Variants in SPATA13 observed in about 807,000 individuals in gnomAD.
The protein encoded by SPATA13 is spermatogenesis associated 13.
SPATA13 carries 50 observed loss-of-function variants against 104.0 expected under a neutral mutation model. The observed-to-expected ratio is 0.48, with a 90% confidence interval of 0.38 to 0.61. The LOEUF is 0.61. Among genes scored for constraint, SPATA13 ranks in the 20% least tolerant of loss-of-function variants. The probability of loss-of-function intolerance (pLI) is 0.00; values close to 1 mark genes in which losing one functional copy is unlikely to be tolerated. For missense variants in SPATA13, 1,524 were observed against 1,690.6 expected (o/e 0.90, Z 1.73); for synonymous variants, 606 against 667.5 (o/e 0.91, Z 1.42).
chr13:24,044,233 CTTTTTTT>C (rs67709070), intron 3 of SPATA13, among the ~76,000 whole-genome samples: 1 of 123,012 alleles, frequency 8.1e-6, no homozygotes, highest in Non-Finnish European at 1.6e-5. Flanking sequence ...TTCTTTCTTT[CTTTTTTT>C]TTTTTTTTTT....
intron 1 of SPATA13, among the ~76,000 whole-genome samples, chr13:24,216,156 G>A (rs1018856302): frequency 6.6e-6 from 1 of 152,186 alleles, no homozygotes; most frequent in African/African-American, 2.4e-5. Context: ...GACGCAGGCA[G>A]GGAGGGGCAT....
At position 24,189,644 on chromosome 13, in the gene SPATA13, TATATATTATATATTATATATTTATA is replaced by T. The variant is rs1566140272; in HGVS notation, c.-112+28713_-112+28737del. On this transcript the variant is annotated intron_variant, in intron 1 of 12. Transcript: ENST00000382108. The stretch of plus-strand genomic sequence containing the variant: ...TATTATATAAATATATATATTTATA[TATATATTATATATTATATATTTATA>T]TATTATATATATTTATATATAATAT... 8.7e-4 allele frequency among the ~76,000 whole-genome samples: 15 copies of T among 17,222 alleles called. 6 individuals carry two copies. Among genetic ancestry groups the T allele is most frequent in the Non-Finnish European group, 4.2e-3 (15 of 3,588 alleles). 11.3% of individuals were successfully genotyped at this position (17,222 alleles called of 152,430 possible).
Position 24,286,932 on chromosome 13 carries a change from C to T in SPATA13, c.2649C>T (p.His883=), listed in dbSNP as rs896510438. 2 of 1,613,492 alleles carry T rather than the reference C, an allele frequency of 1.2e-6. No homozygotes were observed. Among genetic ancestry groups the T allele is most frequent in the African/African-American group, 2.7e-5 (2 of 74,878 alleles). ...IMDTERVYIK[H]LRDICEGYIR... Reference sequence around the variant, plus strand: ...ACACCGAGCGGGTGTACATCAAACACCTCAGGGACATCTGTGAGGTGGGAC... The same window carrying T: ...ACACCGAGCGGGTGTACATCAAACATCTCAGGGACATCTGTGAGGTGGGAC... Residue 883 remains histidine, a synonymous_variant, in exon 7 of 13, where the codon CAC becomes CAT. Transcript: ENST00000382108. This position sits in a 1 kb window ranked among gnomAD's most constrained non-coding sequence, Gnocchi z 4.9.
At chr13:24,290,530 T>C (rs1260444081) in intron 8 of SPATA13, 122 bp from the exon 9 acceptor site, 7 of 754,558 alleles carry the variant, frequency 9.3e-6, no homozygotes, top group Non-Finnish European at 1.6e-5. Flanking sequence ...CCTGTCCTTC[T>C]TGCAGTAGTC....
chr13:24,148,105 A>G (rs528254164), intron 3 of SPATA13, among the ~76,000 whole-genome samples: 1 of 152,326 alleles, frequency 6.6e-6, no homozygotes, highest in South Asian at 2.1e-4. Flanking sequence ...TCTTTTCCGC[A>G]TACACCCAGG....
chr13:24,223,512 C>T lies in SPATA13; in HGVS notation c.583C>T (p.Arg195Trp), dbSNP rs777085582. 7.0e-5 allele frequency: 109 copies of T among 1,548,246 alleles called. No individual in the cohort carries two copies. The highest frequency in any genetic ancestry group is 8.5e-5 in the Non-Finnish European group (98 of 1,147,004). The change falls in exon 2 of 13, where the codon CGG (arginine) becomes TGG (tryptophan). Residue 195 changes from arginine to tryptophan, a missense_variant. Around this residue, in one of 2 missense-constraint regions of SPATA13, gnomAD observed 1,089 missense variants for 1,135.9 expected, o/e 0.96. Transcript: ENST00000382108. ...CGAGGACACGGACGATGCCTTCCAG[C>T]GGAGCACACACCGCTCCCGCAGCCT... ...DLEDTDDAFQRSTHRSRSLRR... is the reference protein window; with the variant it reads ...DLEDTDDAFQWSTHRSRSLRR...
chr13:24,251,707 T>G lies in SPATA13; in HGVS notation c.2020-11T>G. On this transcript the variant is annotated splice_polypyrimidine_tract_variant and intron_variant, in intron 3 of 12. Transcript: ENST00000382108. ...TGGTACCTCCTCACAGATTTTGCTT[T>G]CTTTTTGCAGCCGGCTTCCAGGCCG... 6.2e-7 allele frequency: 1 copy of G among 1,613,348 alleles called. No individual in the cohort carries two copies. Among genetic ancestry groups the G allele is most frequent in the African/African-American group, 1.3e-5 (1 of 75,046 alleles).
At chr13:23,989,006 T>C (rs1377700886) in intron 2 of SPATA13, among the ~76,000 whole-genome samples, 1 of 152,100 alleles carries the variant, frequency 6.6e-6, no homozygotes, top group Non-Finnish European at 1.5e-5. Context: ...TCGGTGACAG[T>C]AGGTTTTATT....
At chr13:24,257,143 TCTTA>T (rs1873828729) in intron 4 of SPATA13, among the ~76,000 whole-genome samples, 1 of 152,222 alleles carries the variant, frequency 6.6e-6, no homozygotes, top group Non-Finnish European at 1.5e-5. Context: ...TTTTCAGAAT[TCTTA>T]CTTTGAATTT....
intron 3 of SPATA13, chr13:24,122,461 T>G: frequency 6.2e-7 from 1 of 1,607,550 alleles, no homozygotes; most frequent in Non-Finnish European, 8.5e-7. Flanking sequence ...TTCACCAGCC[T>G]GCTTAGCCAG....
At chr13:24,287,426 G>A (rs907888831) in intron 7 of SPATA13, among the ~76,000 whole-genome samples, 3 of 152,330 alleles carry the variant, frequency 2.0e-5, no homozygotes, top group Middle Eastern at 3.4e-3. Context: ...ATTTCTCAAA[G>A]TGCTGGGATT....
chr13:24,273,347 G>A (rs1266285389), intron 4 of SPATA13, among the ~76,000 whole-genome samples: 2 of 152,216 alleles, frequency 1.3e-5, no homozygotes, highest in African/African-American at 2.4e-5. Context: ...TACATTAAGA[G>A]AATGATTCTT....
chr13:24,200,498 C>T (rs189144865), intron 1 of SPATA13, among the ~76,000 whole-genome samples: 7 of 152,050 alleles, frequency 4.6e-5, no homozygotes, highest in African/African-American at 7.3e-5. Context: ...TGTCCCACCT[C>T]GTTCTCAGCC....
chr13:24,225,223 G>C (rs920720138), intron 2 of SPATA13, among the ~76,000 whole-genome samples: 4 of 152,260 alleles, frequency 2.6e-5, no homozygotes, highest in African/African-American at 9.6e-5. Flanking sequence ...AGGGGTGTGT[G>C]AGTGAGTGAG....
chr13:24,170,687 G>A (rs9580892), intron 1 of SPATA13, among the ~76,000 whole-genome samples: 92,853 of 151,800 alleles, frequency 0.61, 28,895 homozygotes, highest in East Asian at 0.73. Flanking sequence ...TCAGTCTGGC[G>A]TAAAAAGATC....
intron 3 of SPATA13, among the ~76,000 whole-genome samples, chr13:24,084,260 C>A (rs1052161079): frequency 6.6e-6 from 1 of 152,100 alleles, no homozygotes; most frequent in Non-Finnish European, 1.5e-5. Flanking sequence ...CAGGTGCAGT[C>A]GAAGGAGGCA....
chr13:24,016,168 T>C (rs1277760874), intron 2 of SPATA13, among the ~76,000 whole-genome samples: 3 of 152,128 alleles, frequency 2.0e-5, no homozygotes, highest in Non-Finnish European at 2.9e-5. Flanking sequence ...CGGAATTGTG[T>C]TTGTGGCTTG....
rs141939176 is a variant in SPATA13, at chr13:24,122,196, C to T, written c.-111-100623C>T. The T allele has an allele frequency of 1.2e-3, 1,803 of 1,489,840 alleles. 18 individuals carry two copies. In the African/African-American group the frequency reaches 0.019, roughly 16 times the overall value. 92.3% of individuals were successfully genotyped at this position (1,489,840 alleles called of 1,614,324 possible). ...GCTCTTCTTTGATCAGCCAGCATTG[C>T]TATATACTGTAACTGTTTTCTTTGT... On this transcript the variant is annotated intron_variant, in intron 3 of 14. Transcript: ENST00000424834.
intron 1 of SPATA13, among the ~76,000 whole-genome samples, chr13:24,187,924 G>A (rs1869255867): frequency 6.6e-6 from 1 of 152,136 alleles, no homozygotes; most frequent in Non-Finnish European, 1.5e-5. Flanking sequence ...TCCAAAGCTA[G>A]GAATGATTAA....
Sources: allele counts gnomAD v4.1 joint callset (sites outside exome capture counted in the v4.1 genomes callset), GRCh38; gene constraint gnomAD v4.1.1; regional missense constraint gnomAD v4.1.1; non-coding constraint Gnocchi (gnomAD v3.1); transcripts MANE v1.5; gene names NCBI Gene and HGNC (gene_info 2026-07-23, HGNC 2026-07-21).